Variants in LINGO1 observed in about 807,000 individuals in gnomAD.
LINGO1 encodes leucine rich repeat and Ig domain containing 1.
LINGO1 carries 11 observed loss-of-function variants against 37.3 expected under a neutral mutation model. That is an observed-to-expected ratio of 0.29 (90% CI 0.19 to 0.49). The LOEUF is 0.49. Ranked by LOEUF, LINGO1 falls within the 20% of genes least tolerant of loss-of-function variation. LINGO1 has a pLI of 0.99. For synonymous variants in LINGO1, 387 were observed against 403.0 expected (o/e 0.96, Z 0.48); for missense variants, 585 against 878.2 (o/e 0.67, Z 4.22).
upstream of LINGO1, among the ~76,000 whole-genome samples, chr15:77,699,056 C>T (rs2075733978): frequency 6.6e-6 from 1 of 152,092 alleles, no homozygotes; most frequent in African/African-American, 2.4e-5. Context: ...CAAGGGCAGC[C>T]TGACTGCCTC....
At chr15:77,688,183 T>A (rs2075543918) in intron 2 of LINGO1, among the ~76,000 whole-genome samples, 5 of 152,202 alleles carry the variant, frequency 3.3e-5, no homozygotes, top group Non-Finnish European at 7.3e-5. Flanking sequence ...GGCTTGCCTC[T>A]GAAGACAGCA....
chr15:77,788,892 A>T (rs1414523079), upstream of LINGO1, among the ~76,000 whole-genome samples: 1 of 152,144 alleles, frequency 6.6e-6, no homozygotes, highest in Admixed American at 6.5e-5. Flanking sequence ...GGATACGGGG[A>T]TTGGATCACG....
rs370121489 is a variant in LINGO1 at position 77,794,590 on chromosome 15, ATTTTTT to A, written c.-343+1343_-343+1348del. Among the ~76,000 whole-genome samples the A allele has an allele frequency of 1.4e-3, 132 of 93,502 alleles. 2 individuals are homozygous for A. The highest frequency in any genetic ancestry group is 3.9e-3 in the East Asian group (13 of 3,292). 61.3% of individuals were successfully genotyped at this position (93,502 alleles called of 152,430 possible). A position where few individuals can be genotyped will look rare whatever the true frequency, so the allele number is the denominator to read the frequency against. Reference sequence around the variant, plus strand: ...CACACACATATATATATATATATATATTTTTTTTTTTTTTTGAGACGGAGTCTCGCT... The same window carrying A: ...CACACACATATATATATATATATATATTTTTTTTTGAGACGGAGTCTCGCT... On this transcript the variant is annotated intron_variant, in intron 2 of 5. Transcript: ENST00000562933.
chr15:77,815,760 C>T (rs1343027518), intron 1 of LINGO1, among the ~76,000 whole-genome samples: 1 of 152,144 alleles, frequency 6.6e-6, no homozygotes, highest in African/African-American at 2.4e-5. Context: ...CCACCCAAGA[C>T]CACCAGAGAC....
At chr15:77,628,698 C>T (rs2074165482) in intron 1 of LINGO1, among the ~76,000 whole-genome samples, 1 of 152,082 alleles carries the variant, frequency 6.6e-6, no homozygotes, top group Non-Finnish European at 1.5e-5. Flanking sequence ...AGTATTATTA[C>T]TGCTACTACG....
intron 1 of LINGO1, among the ~76,000 whole-genome samples, chr15:77,814,945 G>A (rs2141485273): frequency 6.6e-6 from 1 of 152,344 alleles, no homozygotes; most frequent in Non-Finnish European, 1.5e-5. Flanking sequence ...GAGGAGGGTG[G>A]CTGGCACAGC....
chr15:77,694,894 T>C (rs932762415), intron 1 of LINGO1, among the ~76,000 whole-genome samples: 3 of 152,136 alleles, frequency 2.0e-5, no homozygotes, highest in Non-Finnish European at 2.9e-5. Flanking sequence ...CCTGGGCAGG[T>C]AGGAGTGTCA....
chr15:77,753,335 C>T (rs1282927668), intron 1 of LINGO1, among the ~76,000 whole-genome samples: 2 of 152,212 alleles, frequency 1.3e-5, no homozygotes, highest in African/African-American at 4.8e-5. Flanking sequence ...GGATAAGTCA[C>T]TGGCATTCTC....
upstream of LINGO1, among the ~76,000 whole-genome samples, chr15:77,700,556 T>A (rs79456966): frequency 0.047 from 7,157 of 152,244 alleles, 249 homozygotes; most frequent in Non-Finnish European, 0.07. Context: ...TAACTCTTAG[T>A]TTGGCTGGAC....
intron 3 of LINGO1, among the ~76,000 whole-genome samples, chr15:77,667,295 G>A (rs917191094): frequency 6.6e-6 from 1 of 152,208 alleles, no homozygotes; most frequent in Non-Finnish European, 1.5e-5. Context: ...TCCCACCTCC[G>A]GCTATCTGGA....
intron 1 of LINGO1, among the ~76,000 whole-genome samples, chr15:77,772,414 A>C (rs1242950796): frequency 6.6e-6 from 1 of 152,148 alleles, no homozygotes; most frequent in Non-Finnish European, 1.5e-5. Context: ...ACTGGCCTCC[A>C]GCATCCCCGA....
At chr15:77,662,410 T>C (rs1333273328) in intron 3 of LINGO1, among the ~76,000 whole-genome samples, 1 of 152,020 alleles carries the variant, frequency 6.6e-6, no homozygotes, top group Non-Finnish European at 1.5e-5. Context: ...AGGAAACCCT[T>C]TTCTATGAGG....
intron 1 of LINGO1, among the ~76,000 whole-genome samples, chr15:77,625,802 T>C (rs1204916671): frequency 5.3e-5 from 8 of 152,162 alleles, no homozygotes. Flanking sequence ...AGCTGTGTCA[T>C]CTTGGGCAAG....
chr15:77,707,555 C>G (rs1222583796), intron 2 of LINGO1: 9 of 152,234 alleles, frequency 5.9e-5, no homozygotes. Flanking sequence ...TCAAGAAAAT[C>G]CCCTAAACAG....
rs1479672964 is a variant in LINGO1 at position 77,632,810 on chromosome 15, CCGCCGCCGCCGCCGCCTG to C, written c.-513_-496del. Among the ~76,000 whole-genome samples the C allele has an allele frequency of 6.8e-6, 1 of 146,808 alleles. No individual in the cohort carries two copies. Among genetic ancestry groups the C allele is most frequent in the East Asian group, 2.0e-4 (1 of 4,982 alleles). On this transcript the variant is annotated 5_prime_UTR_variant, in exon 1 of 2. Transcript: ENST00000355300. This position sits in a 1 kb window ranked among gnomAD's most constrained non-coding sequence, Gnocchi z 6.0. Reference sequence around the variant, plus strand: ...CCTCCGGGGCCGGGACCAGGACCCACCGCCGCCGCCGCCGCCTGCGCTGTCGCCCGCCGCCCGCTCCGG... The same window carrying C: ...CCTCCGGGGCCGGGACCAGGACCCACCGCTGTCGCCCGCCGCCCGCTCCGG...
chr15:77,614,799 G>A lies in LINGO1; in HGVS notation c.1108C>T (p.Pro370Ser), dbSNP rs772226246. ...AGGAGCCGACAGTCGCAGGCCAGCGGGTTGGAGTCCAGGATGAGTGTCTCC... is the reference window on the plus strand; with the variant it reads ...AGGAGCCGACAGTCGCAGGCCAGCGAGTTGGAGTCCAGGATGAGTGTCTCC... ...NLETLILDSN[P>S]LACDCRLLWV... Residue 370 changes from proline to serine, a missense_variant, in exon 2 of 2, where the codon CCG (proline) becomes TCG (serine). Around this residue, in one of 4 missense-constraint regions of LINGO1, gnomAD observed 484 missense variants for 735.0 expected, o/e 0.66. Coordinates refer to ENST00000355300, the MANE Select transcript of LINGO1 (RefSeq NM_032808.7). 6.2e-7 allele frequency: 1 copy of A among 1,610,886 alleles called. No homozygotes were observed.
intron 2 of LINGO1, among the ~76,000 whole-genome samples, chr15:77,723,461 G>A (rs1348401253): frequency 6.6e-6 from 1 of 152,182 alleles, no homozygotes; most frequent in Non-Finnish European, 1.5e-5. Context: ...CGAGGCTGAC[G>A]TCTCTGCGTG....
At chr15:77,767,152 T>C (rs1432464011) in intron 1 of LINGO1, among the ~76,000 whole-genome samples, 1 of 152,134 alleles carries the variant, frequency 6.6e-6, no homozygotes, top group Non-Finnish European at 1.5e-5. Context: ...AGAGAGCACA[T>C]AGTGAATTAT....
Position 77,803,018 on chromosome 15 carries a change from G to A in LINGO1, c.-457-6965C>T, listed in dbSNP as rs111380615. 1.7e-3 allele frequency among the ~76,000 whole-genome samples: 258 copies of A among 152,280 alleles called. 1 individual carries two copies. Among genetic ancestry groups the A allele is most frequent in the African/African-American group, 5.9e-3 (244 of 41,548 alleles). On this transcript the variant is annotated intron_variant, in intron 1 of 5. Transcript: ENST00000562933. ...GCCTCCTGTGTTCCTCAACAGAACT[G>A]AGCCTCCAAACCTTTGCACCTGCTG...
Sources: gnomAD v4.1 joint callset for allele counts (sites outside exome capture counted in the v4.1 genomes callset) on GRCh38, gnomAD v4.1.1 for gene constraint, gnomAD v4.1.1 regional missense constraint, Gnocchi (gnomAD v3.1) non-coding constraint, MANE v1.5 for transcripts, NCBI Gene and HGNC (gene_info 2026-07-23, HGNC 2026-07-21) for gene names.